The following COL4A5 variants were observed in gnomAD, a reference collection of about 807,000 sequenced individuals.
The protein encoded by COL4A5 is collagen type IV alpha 5 chain.
A neutral mutation model predicts 130.2 loss-of-function variants in COL4A5; 26 were observed. The ratio of observed to expected loss-of-function variants is 0.20; its 90% CI spans 0.15 to 0.28. The LOEUF (loss-of-function observed/expected upper bound fraction) is 0.28, where lower values mean the gene tolerates loss of function less well. Among genes scored for constraint, COL4A5 ranks in the 10% least tolerant of loss-of-function variants. The probability of loss-of-function intolerance (pLI) is 1.00; values close to 1 mark genes in which losing one functional copy is unlikely to be tolerated. For synonymous variants in COL4A5, 496 were observed against 439.6 expected (o/e 1.13, Z -1.60); for missense variants, 1,131 against 1,344.3 (o/e 0.84, Z 2.48).
intron 17 of COL4A5, among the ~76,000 whole-genome samples, chrX:108,584,081 A>G (rs1476679253): frequency 9.2e-6 from 1 of 108,878 alleles, no homozygotes; most frequent in Non-Finnish European, 1.9e-5. Flanking sequence ...TGTAAAAAAA[A>G]AAAAAAAAAA....
chrX:108,605,455 G>A (rs375946000), intron 28 of COL4A5, among the ~76,000 whole-genome samples: 1 of 111,125 alleles, frequency 9.0e-6, no homozygotes, highest in African/African-American at 3.3e-5. Flanking sequence ...CACAGTTTAT[G>A]GTACCCCAAA....
rs1232993978 is a variant in COL4A5 at position 108,605,170 on chromosome X, C to G, written c.2245-1572C>G. On this transcript the variant is annotated intron_variant, in intron 28 of 52. Coordinates refer to ENST00000328300, the MANE Select transcript of COL4A5 (RefSeq NM_033380.3). ...TGGCTAACTGTTTAGTGCAAGAGAC[C>G]TAGCCTTCAACCTACCTTAGCTTTT... 4.5e-5 allele frequency among the ~76,000 whole-genome samples: 5 copies of G among 112,297 alleles called. No homozygotes were observed. The East Asian group carries it at 8.4e-4, about 19-fold the overall frequency.
chrX:108,692,993 A>G (rs1021333075), intron 50 of COL4A5, 68 bp downstream of exon 50: 1 of 1,104,283 alleles, frequency 9.1e-7, no homozygotes, highest in African/African-American at 1.8e-5. Context: ...TTTGAGTCCA[A>G]AGCTAACAAT....
rs146651912 is a variant in COL4A5 at position 108,688,823 on chromosome X, A to G, written c.4528+1129A>G. Among the ~76,000 whole-genome samples, 662 of 111,780 alleles carry G rather than the reference A, an allele frequency of 5.9e-3. 2 individuals carry two copies. The highest frequency in any genetic ancestry group is 0.036 in the East Asian group (128 of 3,529). ...TGGGCTCCCAGTTTCTGGGATCTCT[A>G]TGATGAGAAGCTTCCTGAGATCTCA... On this transcript the variant is annotated intron_variant, in intron 49 of 52. Transcript: ENST00000328300.
In COL4A5 at chrX:108,622,702, G is replaced by A. The variant is rs2147865597; in HGVS notation, c.2794G>A (p.Gly932Arg). The part of the protein sequence containing the change: ...KGDDGLQGQP[G>R]LPGPTGEKGS... ...TGATGATGGCTTGCAGGGTCAGCCA[G>A]GACTTCCTGGCCCTACAGGAGAAAA... Residue 932 changes from glycine to arginine, a missense_variant, in exon 33 of 53, where the codon GGA becomes AGA. Physicochemically the swap from Gly to Arg is moderately radical, Grantham distance 125. Transcript: ENST00000328300. The A allele has an allele frequency of 8.3e-7, 1 of 1,211,387 alleles. No individual in the cohort carries two copies. Among genetic ancestry groups the A allele is most frequent in the Non-Finnish European group, 1.1e-6 (1 of 895,232 alleles).
At chrX:108,480,093 C>G (rs760783896) in intron 1 of COL4A5, among the ~76,000 whole-genome samples, 4 of 111,814 alleles carry the variant, frequency 3.6e-5, no homozygotes, top group South Asian at 7.6e-4. Context: ...GTTGCAGAGC[C>G]TTCTCGTGTT....
intron 42 of COL4A5, among the ~76,000 whole-genome samples, chrX:108,673,808 G>A (rs905723316): frequency 7.2e-4 from 78 of 108,937 alleles, no homozygotes; most frequent in Non-Finnish European, 3.6e-4. Context: ...TTGGGAGGCC[G>A]AGGTGGGTGG....
chrX:108,675,715 T>A (rs936331575), intron 43 of COL4A5, among the ~76,000 whole-genome samples: 1 of 111,528 alleles, frequency 9.0e-6, no homozygotes, highest in African/African-American at 3.2e-5. Context: ...TATTATGAAA[T>A]TACATAGAAA....
chrX:108,590,750 C>CT (rs1226987457), intron 19 of COL4A5, among the ~76,000 whole-genome samples: 1 of 111,287 alleles, frequency 9.0e-6, no homozygotes. Context: ...TTTGAAATAC[C>CT]TTTTTATCTT....
intron 1 of COL4A5, among the ~76,000 whole-genome samples, chrX:108,456,829 G>T (rs985813639): frequency 6.3e-5 from 7 of 111,971 alleles, no homozygotes; most frequent in African/African-American, 2.3e-4. Context: ...CGAGCTGCTA[G>T]GTGTCAGACA....
intron 1 of COL4A5, among the ~76,000 whole-genome samples, chrX:108,473,633 A>ATATATATATATATATATTTTTTT: frequency 8.7e-5 from 3 of 34,562 alleles, no homozygotes; most frequent in Admixed American, 2.5e-4. Flanking sequence ...ATATATATAT[A>ATATATATATATATATATTTTTTT]TTTTTTTTTT....
intron 43 of COL4A5, among the ~76,000 whole-genome samples, chrX:108,675,916 C>T (rs994802399): frequency 8.9e-6 from 1 of 111,738 alleles, no homozygotes; most frequent in Admixed American, 9.6e-5. Flanking sequence ...AGGTGCTATT[C>T]TTAATTCCAT....
intron 44 of COL4A5, among the ~76,000 whole-genome samples, chrX:108,678,634 G>A (rs1167710909): frequency 9.0e-6 from 1 of 111,387 alleles, no homozygotes; most frequent in Non-Finnish European, 1.9e-5. Context: ...GAGAGGCTGG[G>A]GCAGGAGGGT....
intron 21 of COL4A5, 30 bp downstream of exon 21, chrX:108,591,674 A>G (rs774182696): frequency 1.9e-6 from 2 of 1,080,030 alleles, no homozygotes; most frequent in Non-Finnish European, 2.6e-6. Context: ...TCATTCCTTC[A>G]TTTTCTTCAT....
intron 1 of COL4A5, among the ~76,000 whole-genome samples, chrX:108,480,161 A>G (rs750210691): frequency 1.5e-4 from 17 of 111,642 alleles, no homozygotes; most frequent in Non-Finnish European, 2.3e-4. Flanking sequence ...GGCCTGAGTA[A>G]CTCACCCAAA....
chrX:108,539,855 T>G (rs1179517243), intron 2 of COL4A5, 50 bp downstream of exon 2: 1 of 997,497 alleles, frequency 1.0e-6, no homozygotes, highest in Non-Finnish European at 1.4e-6. Flanking sequence ...AGTAAACTAA[T>G]GGTTTTAATA....
intron 44 of COL4A5, 80 bp from the exon 45 acceptor site, chrX:108,680,599 C>T: frequency 2.6e-6 from 2 of 781,047 alleles, no homozygotes. Context: ...CTATATGCCA[C>T]TATGTAATTC....
chrX:108,542,660 C>T (rs768500398), intron 2 of COL4A5, among the ~76,000 whole-genome samples: 3 of 105,120 alleles, frequency 2.9e-5, no homozygotes, highest in South Asian at 3.8e-4. Flanking sequence ...ATTTCTAGTT[C>T]TATATCCTTG....
chrX:108,512,997 G>T (rs2065192577), intron 1 of COL4A5, among the ~76,000 whole-genome samples: 1 of 111,502 alleles, frequency 9.0e-6, no homozygotes, highest in African/African-American at 3.3e-5. Context: ...ACCCTCAGGG[G>T]TGCATTCACC....
Sources: gnomAD v4.1 joint callset for allele counts (sites outside exome capture counted in the v4.1 genomes callset) on GRCh38, gnomAD v4.1.1 for gene constraint, MANE v1.5 for transcripts, NCBI Gene and HGNC (gene_info 2026-07-23, HGNC 2026-07-21) for gene names.